Variants in CDS1 observed in about 807,000 individuals in gnomAD.
The protein encoded by CDS1 is CDP-diacylglycerol synthase 1, also known as phosphatidate cytidylyltransferase 1.
Under a neutral mutation model 62.1 loss-of-function variants are expected in CDS1, and 41 were observed. That is an observed-to-expected ratio of 0.66 (90% CI 0.51 to 0.86). The LOEUF (loss-of-function observed/expected upper bound fraction) is 0.86, where lower values mean the gene tolerates loss of function less well. CDS1 is among the 40% of genes least tolerant of loss of function. The pLI, the probability that CDS1 is intolerant of heterozygous loss-of-function variation, is 0.00. For missense variants in CDS1, 470 were observed against 550.1 expected (o/e 0.85, Z 1.46); for synonymous variants, 185 against 192.6 (o/e 0.96, Z 0.32).
In CDS1 at chr4:84,640,942, G is replaced by C; in HGVS notation, c.984G>C (p.Gln328His). ...AATGTGAGCCCTCAGAACTTTTCCA[G>C]CTTCAGACTTACTCACTTCCACCCT... ...VTECEPSELF[Q>H]LQTYSLPPFL... The change falls in exon 10 of 13, where the codon CAG becomes CAC. Residue 328 changes from glutamine (Q) to histidine (H), a missense_variant. Gln to His is a conservative substitution (Grantham distance 24, BLOSUM62 0). This residue lies in a region of CDS1 where 214 missense variants were observed against 242.4 expected (regional missense o/e 0.88). Coordinates refer to ENST00000295887, the MANE Select transcript of CDS1 (RefSeq NM_001263.4). The C allele has an allele frequency of 6.2e-7, 1 of 1,610,266 alleles. No individual in the cohort carries two copies. Among genetic ancestry groups the C allele is most frequent in the Non-Finnish European group, 8.5e-7 (1 of 1,178,576 alleles).
At chr4:84,588,614 G>T (rs80160479) in intron 1 of CDS1, among the ~76,000 whole-genome samples, 1,832 of 152,202 alleles carry the variant, frequency 0.012, 23 homozygotes, top group East Asian at 0.051. Context: ...GATTGGTTGG[G>T]GAGGCAATTG....
rs549301660 is a variant in CDS1 at position 84,646,113 on chromosome 4, C to T, written c.1256+788C>T. Among the ~76,000 whole-genome samples the T allele has an allele frequency of 1.4e-3, 220 of 152,296 alleles. 1 individual carries two copies. The highest frequency in any genetic ancestry group is 5.1e-3 in the African/African-American group (211 of 41,560). On this transcript the variant is annotated intron_variant, in intron 12 of 12. Transcript: ENST00000295887. ...TTAATAGTACCTGAGCTGTAGAAAACATGGATTTCCTTCATAGTACTTGGA... is the reference window on the plus strand; with the variant it reads ...TTAATAGTACCTGAGCTGTAGAAAATATGGATTTCCTTCATAGTACTTGGA...
chr4:84,604,081 C>T (rs1242946712), intron 1 of CDS1, among the ~76,000 whole-genome samples, 162 bp from the exon 2 acceptor site: 2 of 152,154 alleles, frequency 1.3e-5, no homozygotes, highest in African/African-American at 2.4e-5. Flanking sequence ...ACTTTCCTAA[C>T]AAAGAAGTAT....
chr4:84,604,794 T>G (rs541985368), intron 2 of CDS1, among the ~76,000 whole-genome samples: 232 of 152,332 alleles, frequency 1.5e-3, no homozygotes, highest in African/African-American at 5.4e-3. Context: ...TTCTTTCATT[T>G]TTTAAATAAG....
intron 5 of CDS1, among the ~76,000 whole-genome samples, chr4:84,628,357 C>A (rs944925474): frequency 5.3e-5 from 8 of 152,102 alleles, no homozygotes; most frequent in African/African-American, 1.9e-4. Context: ...ATGGCAGTGC[C>A]TATCTTATTC....
At chr4:84,587,720 G>A (rs1044594960) in intron 1 of CDS1, among the ~76,000 whole-genome samples, 1 of 152,126 alleles carries the variant, frequency 6.6e-6, no homozygotes, top group African/African-American at 2.4e-5. Flanking sequence ...CGGAGAAATG[G>A]CATACAAGTT....
intron 11 of CDS1, 137 bp from the exon 12 acceptor site, chr4:84,645,085 G>C: frequency 3.1e-6 from 2 of 647,950 alleles, no homozygotes; most frequent in Admixed American, 2.8e-5. Flanking sequence ...GTTCTAATAA[G>C]TTTTTATTTA....
In CDS1 at chr4:84,648,766, A is replaced by C; in HGVS notation, c.*80A>C. On this transcript the variant is annotated 3_prime_UTR_variant, in exon 13 of 13. Coordinates refer to ENST00000295887, the MANE Select transcript of CDS1 (RefSeq NM_001263.4). ...CAGATGTTTTATAAATTGTACAGAA[A>C]AATAGTTAAAAATGCAATAGGTTGA... is the stretch of plus-strand genomic sequence containing the variant. 7.3e-7 allele frequency: 1 copy of C among 1,378,212 alleles called. No homozygotes were observed. The highest frequency in any genetic ancestry group is 1.5e-5 in the South Asian group (1 of 64,900). 85.4% of individuals were successfully genotyped at this position (1,378,212 alleles called of 1,614,324 possible).
intron 5 of CDS1, among the ~76,000 whole-genome samples, chr4:84,623,060 T>C (rs1723739369): frequency 6.6e-6 from 1 of 152,218 alleles, no homozygotes; most frequent in Admixed American, 6.5e-5. Context: ...TATTTTCAGA[T>C]GTTTACACAA....
chr4:84,624,589 A>G (rs1723799317), intron 5 of CDS1, among the ~76,000 whole-genome samples: 1 of 152,134 alleles, frequency 6.6e-6, no homozygotes, highest in South Asian at 2.1e-4. Context: ...CATTGTATCC[A>G]TATCTGCAGT....
At chr4:84,622,275 G>T (rs1013986904) in intron 5 of CDS1, among the ~76,000 whole-genome samples, 4 of 152,118 alleles carry the variant, frequency 2.6e-5, no homozygotes, top group African/African-American at 9.7e-5. Context: ...TGTTTCATGT[G>T]ATTATTCTTG....
intron 10 of CDS1, among the ~76,000 whole-genome samples, chr4:84,641,780 G>C (rs1033028904): frequency 1.3e-5 from 2 of 152,176 alleles, no homozygotes; most frequent in South Asian, 2.1e-4. Flanking sequence ...TGGTTAAAGT[G>C]AGGAATCAAA....
At chr4:84,611,762 C>T (rs2165786) in intron 3 of CDS1, among the ~76,000 whole-genome samples, 88,854 of 151,980 alleles carry the variant, frequency 0.58, 26,065 homozygotes, top group South Asian at 0.7. Flanking sequence ...ATAAATAGGA[C>T]AGACTTAATG....
Position 84,633,995 on chromosome 4 carries a change from T to C in CDS1, c.722+56T>C. 7.1e-6 allele frequency: 7 copies of C among 990,622 alleles called. No individual in the cohort carries two copies. In the South Asian group the frequency reaches 1.1e-4, roughly 15 times the overall value. 61.4% of individuals were successfully genotyped at this position (990,622 alleles called of 1,614,324 possible). A position where few individuals can be genotyped will look rare whatever the true frequency, so the allele number is the denominator to read the frequency against. ...GTATGTCATAGCACTTTTATAGTTC[T>C]TTAACGTTGGATAGTGTCTTACAGA... On this transcript the variant is annotated intron_variant, in intron 7 of 12. Coordinates refer to ENST00000295887, the MANE Select transcript of CDS1 (RefSeq NM_001263.4).
In CDS1 at chr4:84,609,411, T is replaced by G; in HGVS notation, c.246-18T>G. Reference sequence around the variant, plus strand: ...CCTTAAGAACACGTTAAATACTAACTTTACATTTTCTTTGTAGGTGGAAAA... The same window carrying G: ...CCTTAAGAACACGTTAAATACTAACGTTACATTTTCTTTGTAGGTGGAAAA... On this transcript the variant is annotated intron_variant, in intron 2 of 12. Coordinates refer to ENST00000295887, the MANE Select transcript of CDS1 (RefSeq NM_001263.4). 1.3e-6 allele frequency: 2 copies of G among 1,501,818 alleles called. No individual in the cohort carries two copies. Among genetic ancestry groups the G allele is most frequent in the South Asian group, 1.1e-5 (1 of 87,616 alleles). 93.0% of individuals were successfully genotyped at this position (1,501,818 alleles called of 1,614,324 possible).
At chr4:84,618,443 A>G (rs1235646385) in intron 4 of CDS1, among the ~76,000 whole-genome samples, 1 of 152,252 alleles carries the variant, frequency 6.6e-6, no homozygotes, top group Non-Finnish European at 1.5e-5. Context: ...TCTAAGTATT[A>G]TTAAGAAGAG....
At chr4:84,614,882 C>G (rs554103919) in intron 3 of CDS1, among the ~76,000 whole-genome samples, 1 of 152,256 alleles carries the variant, frequency 6.6e-6, no homozygotes, top group Admixed American at 6.5e-5. Context: ...CACTAGTGCA[C>G]TTTTGGGGAG....
rs1415118626 is a variant in CDS1 at position 84,599,213 on chromosome 4, C to G, written c.118-5030C>G. ...GGTGGAGAGATTATTTCTTGTGCCT[C>G]TTTATAAGGGCACCAAACCCATTTG... On this transcript the variant is annotated intron_variant, in intron 1 of 12. Coordinates refer to ENST00000295887, the MANE Select transcript of CDS1 (RefSeq NM_001263.4). Among the ~76,000 whole-genome samples, 5 of 151,822 alleles carry G rather than the reference C, an allele frequency of 3.3e-5. No individual in the cohort carries two copies. In the East Asian group the frequency reaches 9.7e-4, roughly 29 times the overall value.
At chr4:84,630,829 A>G (rs547555796) in intron 5 of CDS1, among the ~76,000 whole-genome samples, 2 of 152,304 alleles carry the variant, frequency 1.3e-5, no homozygotes, top group Non-Finnish European at 2.9e-5. Flanking sequence ...AGGATGTTGC[A>G]GAATAGAATG....
Sources: allele counts gnomAD v4.1 joint callset (sites outside exome capture counted in the v4.1 genomes callset), GRCh38; gene constraint gnomAD v4.1.1; regional missense constraint gnomAD v4.1.1; transcripts MANE v1.5; gene names NCBI Gene and HGNC (gene_info 2026-07-23, HGNC 2026-07-21).